SIGLEC10: variants seen among roughly 807,000 people sequenced by gnomAD.
The protein encoded by SIGLEC10 is sialic acid binding Ig like lectin 10, also known as sialic acid-binding Ig-like lectin 10.
Under a neutral mutation model 68.3 loss-of-function variants are expected in SIGLEC10, and 45 were observed. That is an observed-to-expected ratio of 0.66 (90% CI 0.52 to 0.84). SIGLEC10 has a LOEUF of 0.84. Among genes scored for constraint, SIGLEC10 ranks in the 40% least tolerant of loss-of-function variants. The pLI is 0.00. For missense variants in SIGLEC10, 789 were observed against 883.1 expected (o/e 0.89, Z 1.35); for synonymous variants, 379 against 370.8 (o/e 1.02, Z -0.26).
Position 51,416,334 on chromosome 19 carries a change from T to C in SIGLEC10, c.730A>G (p.Ser244Gly). The C allele has an allele frequency of 6.2e-7, 1 of 1,614,122 alleles. No homozygotes were observed. The highest frequency in any genetic ancestry group is 8.5e-7 in the Non-Finnish European group (1 of 1,180,000). ...VAYAPRDLVISISRDNTPALE... is the reference protein window; with the variant it reads ...VAYAPRDLVIGISRDNTPALE... Reference sequence around the variant, plus strand: ...CCTGGCGTGTTGTCACGTGAAATGCTGATAACAAGGTCTCTGGGGGCATCT... The same window carrying C: ...CCTGGCGTGTTGTCACGTGAAATGCCGATAACAAGGTCTCTGGGGGCATCT... The change falls in exon 4 of 11, where the codon AGC (serine) becomes GGC (glycine). Residue 244 changes from serine to glycine, a missense_variant. By Grantham distance (56) the Ser-to-Gly change is moderately conservative. Transcript: ENST00000339313.
chr19:51,410,984 G>GAA lies in SIGLEC10; in HGVS notation c.*114_*115insTT. ...TTTAAAAGAGAGAGAAAGAGAGAGA[G>GAA]AGAGAGAAAGAGAGAGAGAGAGGGA... On this transcript the variant is annotated 3_prime_UTR_variant, in exon 11 of 11. Coordinates refer to ENST00000339313, the MANE Select transcript of SIGLEC10 (RefSeq NM_033130.5). 3 of 1,215,692 alleles carry GAA rather than the reference G, an allele frequency of 2.5e-6. No individual in the cohort carries two copies. The highest frequency in any genetic ancestry group is 3.4e-6 in the Non-Finnish European group (3 of 869,788). 75.3% of individuals were successfully genotyped at this position (1,215,692 alleles called of 1,614,324 possible).
rs779111009 is a variant in SIGLEC10, at chr19:51,416,750, C to T, written c.622G>A (p.Asp208Asn). ...SVLSFTPRPQ[D>N]HNTDLTCHVD... ...TGGCAGGTGAGGTCGGTGTTGTGGT[C>T]CTGGGGTCTGGGCGTGAAGCTGAGC... The change falls in exon 3 of 11, where the codon GAC becomes AAC. Residue 208 changes from aspartate to asparagine, a missense_variant. Physicochemically the swap from Asp to Asn is conservative, Grantham distance 23. Transcript: ENST00000339313. The T allele has an allele frequency of 1.2e-6, 2 of 1,614,176 alleles. No individual in the cohort carries two copies. Among genetic ancestry groups the T allele is most frequent in the Non-Finnish European group, 1.7e-6 (2 of 1,180,028 alleles).
In SIGLEC10 at chr19:51,415,457, G is replaced by A. The variant is rs1486097731; in HGVS notation, c.1073-19C>T. The A allele has an allele frequency of 1.9e-6, 3 of 1,609,010 alleles. No homozygotes were observed. Among genetic ancestry groups the A allele is most frequent in the Admixed American group, 1.7e-5 (1 of 59,528 alleles). Reference sequence around the variant, plus strand: ...TCCAGGACTAGGGAAGGAAGAGGCAGAATCGATGAGCAGCTCAGGGCTCAG... The same window carrying A: ...TCCAGGACTAGGGAAGGAAGAGGCAAAATCGATGAGCAGCTCAGGGCTCAG... On this transcript the variant is annotated intron_variant, in intron 6 of 10. Coordinates refer to ENST00000339313, the MANE Select transcript of SIGLEC10 (RefSeq NM_033130.5).
intron 10 of SIGLEC10, among the ~76,000 whole-genome samples, chr19:51,413,163 C>A (rs1988176751): frequency 6.6e-6 from 1 of 152,100 alleles, no homozygotes; most frequent in Non-Finnish European, 1.5e-5. Context: ...ACCCAGGGGC[C>A]AGGTGATATT....
chr19:51,411,649 C>T (rs538757563), intron 10 of SIGLEC10, among the ~76,000 whole-genome samples: 9 of 152,146 alleles, frequency 5.9e-5, no homozygotes, highest in Non-Finnish European at 8.8e-5. Flanking sequence ...ATTTCAAGAC[C>T]GGCCTGGCCA....
chr19:51,410,802 C>T lies in SIGLEC10; in HGVS notation c.*297G>A, dbSNP rs1276987262. The T allele has an allele frequency of 1.6e-5, 4 of 253,528 alleles. No individual in the cohort carries two copies. In the Admixed American group the frequency reaches 2.0e-4, roughly 12 times the overall value. The allele number at this position is 253,528 out of a possible 1,614,324, so 15.7% of individuals were successfully genotyped here. A position where few individuals can be genotyped will look rare whatever the true frequency, so the allele number is the denominator to read the frequency against. ...TAGGTAGGATTACAGGCGCCTGCCA[C>T]CATGCCCAGCTAATTTTTGTATTTT... On this transcript the variant is annotated 3_prime_UTR_variant, in exon 11 of 11. Transcript: ENST00000339313.
In SIGLEC10 at chr19:51,417,290, A is replaced by G. The variant is rs755848811; in HGVS notation, c.213T>C (p.Ala71=). 13 of 1,614,036 alleles carry G rather than the reference A, an allele frequency of 8.1e-6. No homozygotes were observed. The South Asian group carries it at 1.3e-4, about 16-fold the overall frequency. The change falls in exon 2 of 11, where the codon GCT becomes GCC. Residue 71 remains alanine, a synonymous_variant. Transcript: ENST00000339313. ...GACTCTGGTGGTTTGTGGCCACAGG[A>G]GCACCCTTGGTTGTCTCAGTCACTG... is the stretch of plus-strand genomic sequence containing the variant. The part of the protein sequence containing the change: ...FKAVTETTKG[A]PVATNHQSRE...
At position 51,411,423 on chromosome 19, in the gene SIGLEC10, A is replaced by G; in HGVS notation, c.1822-52T>C. 4 of 1,603,066 alleles carry G rather than the reference A, an allele frequency of 2.5e-6. No individual in the cohort carries two copies. In the South Asian group the frequency reaches 4.4e-5, roughly 18 times the overall value. Reference sequence around the variant, plus strand: ...TCATTCATTCAGCAAATATTTGAGCACTTACCACGCGTCGGGCACTGATTT... The same window carrying G: ...TCATTCATTCAGCAAATATTTGAGCGCTTACCACGCGTCGGGCACTGATTT... On this transcript the variant is annotated intron_variant, in intron 10 of 10. Coordinates refer to ENST00000339313, the MANE Select transcript of SIGLEC10 (RefSeq NM_033130.5).
At position 51,416,169 on chromosome 19, in the gene SIGLEC10, T is replaced by C. The variant is rs745750896; in HGVS notation, c.755-2A>G. ...TTCCCTGGGGCTGGGGCTCCAGGGCTGGAGTGGGAGGAAAAAAAAAAAAGA... is the reference window on the plus strand; with the variant it reads ...TTCCCTGGGGCTGGGGCTCCAGGGCCGGAGTGGGAGGAAAAAAAAAAAAGA... On this transcript the variant is annotated splice_acceptor_variant, in intron 4 of 10. Transcript: ENST00000339313. LOFTEE classifies it high-confidence loss of function. 6.3e-7 allele frequency: 1 copy of C among 1,591,786 alleles called. No homozygotes were observed. Among genetic ancestry groups the C allele is most frequent in the Non-Finnish European group, 8.5e-7 (1 of 1,172,292 alleles).
rs1939698237 is a variant in SIGLEC10, at chr19:51,417,463, A to G, written c.40T>C (p.Ser14Pro). Residue 14 changes from serine (S) to proline (P), a missense_variant and splice_region_variant, in exon 2 of 11, where the codon TCC (serine) becomes CCC (proline). Coordinates refer to ENST00000339313, the MANE Select transcript of SIGLEC10 (RefSeq NM_033130.5). ...CAGAATCTCCCATCCATAGCCTGGG[A>G]CCCTGTGGGGAGACAGAGGCTCAAC... Reference protein sequence around the residue: ...PLLLSSLLGGSQAMDGRFWIR... With the variant: ...PLLLSSLLGGPQAMDGRFWIR... The G allele has an allele frequency of 1.5e-5, 25 of 1,613,652 alleles. No individual in the cohort carries two copies. The highest frequency in any genetic ancestry group is 1.4e-5 in the Non-Finnish European group (17 of 1,179,758).
Position 51,414,631 on chromosome 19 carries a change from C to T in SIGLEC10, c.1616-116G>A, listed in dbSNP as rs937730269. On this transcript the variant is annotated intron_variant, in intron 8 of 10. Coordinates refer to ENST00000339313, the MANE Select transcript of SIGLEC10 (RefSeq NM_033130.5). This position sits in a 1 kb window ranked among gnomAD's most constrained non-coding sequence, Gnocchi z 4.1. ...ATGGCGGACATTGTATCTGCAACCCCTCTGTTTACTTTTAGGAAACCCTGC... is the reference window on the plus strand; with the variant it reads ...ATGGCGGACATTGTATCTGCAACCCTTCTGTTTACTTTTAGGAAACCCTGC... 7.6e-5 allele frequency: 103 copies of T among 1,353,900 alleles called. No homozygotes were observed. The highest frequency in any genetic ancestry group is 1.0e-5 in the Non-Finnish European group (10 of 959,948). The allele number at this position is 1,353,900 out of a possible 1,614,324, so 83.9% of individuals were successfully genotyped here.
chr19:51,413,235 C>T (rs571264038), intron 10 of SIGLEC10, among the ~76,000 whole-genome samples: 2 of 151,988 alleles, frequency 1.3e-5, no homozygotes, highest in African/African-American at 4.8e-5. Context: ...AGGAGGTGGC[C>T]GCTAGTATTG....
Position 51,414,605 on chromosome 19 carries a change from C to T in SIGLEC10, c.1616-90G>A. 7.1e-7 allele frequency: 1 copy of T among 1,418,348 alleles called. No homozygotes were observed. The highest frequency in any genetic ancestry group is 9.9e-7 in the Non-Finnish European group (1 of 1,014,740). 87.9% of individuals were successfully genotyped at this position (1,418,348 alleles called of 1,614,324 possible). On this transcript the variant is annotated intron_variant, in intron 8 of 10. Transcript: ENST00000339313. This position sits in a 1 kb window ranked among gnomAD's most constrained non-coding sequence, Gnocchi z 4.1. ...ACTCGGCATTAAGGCTTCCGGTTCC[C>T]ATGGCGGACATTGTATCTGCAACCC...
Position 51,410,250 on chromosome 19 carries a change from TGAGGAC to T in SIGLEC10, c.*843_*848del, listed in dbSNP as rs1411832423. 6.6e-6 allele frequency: 1 copy of T among 152,246 alleles called. No homozygotes were observed. Among genetic ancestry groups the T allele is most frequent in the Non-Finnish European group, 1.5e-5 (1 of 68,048 alleles). 9.4% of individuals were successfully genotyped at this position (152,246 alleles called of 1,614,324 possible). The stretch of plus-strand genomic sequence containing the variant: ...CATGGTGCTGTCAGGAGTGTAGCAG[TGAGGAC>T]GACCAGAGGTCACTCTCGTGGCCAA... On this transcript the variant is annotated 3_prime_UTR_variant, in exon 11 of 11. Transcript: ENST00000339313.
In SIGLEC10 at chr19:51,413,597, G is replaced by A. The variant is rs2123731833; in HGVS notation, c.1821+115C>T. The A allele has an allele frequency of 7.8e-6, 7 of 894,996 alleles. No homozygotes were observed. In the South Asian group the frequency reaches 9.3e-5, roughly 12 times the overall value. The allele number at this position is 894,996 out of a possible 1,614,324, so 55.4% of individuals were successfully genotyped here. On this transcript the variant is annotated intron_variant, in intron 10 of 10. Transcript: ENST00000339313. ...AAGTGCCAGGCAGGATTTGAATTCA[G>A]AACTATCGGTGCTTTTCCCACCTTG...
rs1395034533 is a variant in SIGLEC10, at chr19:51,414,584, G to A, written c.1616-69C>T. ...GGCTCACGAAGCCCGCTCATCACTCGGCATTAAGGCTTCCGGTTCCCATGG... is the reference window on the plus strand; with the variant it reads ...GGCTCACGAAGCCCGCTCATCACTCAGCATTAAGGCTTCCGGTTCCCATGG... On this transcript the variant is annotated intron_variant, in intron 8 of 10. Transcript: ENST00000339313. The surrounding 1 kb of genome is among the most constrained non-coding windows in gnomAD (Gnocchi z 4.1). The A allele has an allele frequency of 2.7e-6, 4 of 1,493,672 alleles. No homozygotes were observed. The highest frequency in any genetic ancestry group is 2.8e-5 in the African/African-American group (2 of 72,186). The allele number at this position is 1,493,672 out of a possible 1,614,324, so 92.5% of individuals were successfully genotyped here.
intron 5 of SIGLEC10, 90 bp downstream of exon 5, chr19:51,415,808 C>A (rs1988559336): frequency 1.3e-6 from 2 of 1,589,330 alleles, no homozygotes; most frequent in Admixed American, 3.6e-5. Context: ...GCCTGGGGCT[C>A]CAGGCCCCCT....
chr19:51,416,636 G>A, intron 3 of SIGLEC10, 30 bp downstream of exon 3: 2 of 1,612,068 alleles, frequency 1.2e-6, no homozygotes, highest in Non-Finnish European at 1.7e-6. Context: ...GGGGCTGTCT[G>A]CACACCCCAC....
Position 51,415,365 on chromosome 19 carries a change from T to A in SIGLEC10, c.1146A>T (p.Thr382=). 6.2e-7 allele frequency: 1 copy of A among 1,612,918 alleles called. No homozygotes were observed. Among genetic ancestry groups the A allele is most frequent in the Non-Finnish European group, 8.5e-7 (1 of 1,179,358 alleles). The change falls in exon 7 of 11, where the codon ACA becomes ACT. Residue 382 remains threonine, a synonymous_variant. Coordinates refer to ENST00000339313, the MANE Select transcript of SIGLEC10 (RefSeq NM_033130.5). ...TCAGCCTGGCTGGGGGGCTGCTGTG[T>A]GTGACACAGACCAGGCACAGGCTTT... The part of the protein sequence containing the change: ...EGQSLCLVCV[T]HSSPPARLSW...
Sources: allele counts gnomAD v4.1 joint callset (sites outside exome capture counted in the v4.1 genomes callset), GRCh38; gene constraint gnomAD v4.1.1; non-coding constraint Gnocchi (gnomAD v3.1); transcripts MANE v1.5; gene names NCBI Gene and HGNC (gene_info 2026-07-23, HGNC 2026-07-21).